MPZL1: variants seen among roughly 807,000 people sequenced by gnomAD.
MPZL1 encodes the protein myelin protein zero like 1, also known as myelin protein zero-like protein 1.
In MPZL1, 16 loss-of-function variants were observed where a neutral mutation model predicts 29.3. The observed-to-expected ratio is 0.55, with a 90% CI of 0.37 to 0.83. The LOEUF is 0.83. Among genes scored for constraint, MPZL1 ranks in the 40% least tolerant of loss-of-function variants. The pLI, the probability that MPZL1 is intolerant of heterozygous loss-of-function variation, is 0.00. For missense variants in MPZL1, 279 were observed against 332.9 expected (o/e 0.84, Z 1.26); for synonymous variants, 143 against 132.0 (o/e 1.08, Z -0.57).
intron 1 of MPZL1, among the ~76,000 whole-genome samples, chr1:167,738,595 G>C (rs1270956667): frequency 6.6e-6 from 1 of 152,126 alleles, no homozygotes; most frequent in Admixed American, 6.5e-5. Context: ...TTGGATCTTG[G>C]GGGTGGGGAT....
At chr1:167,750,237 G>C (rs4657705) in intron 1 of MPZL1, among the ~76,000 whole-genome samples, 63,464 of 151,054 alleles carry the variant, frequency 0.42, 13,872 homozygotes, top group Non-Finnish European at 0.48. Flanking sequence ...TTTTGCTCTC[G>C]TTGCCCAGGC....
At chr1:167,748,075 A>G (rs77333516) in intron 1 of MPZL1, among the ~76,000 whole-genome samples, 210 of 152,268 alleles carry the variant, frequency 1.4e-3, no homozygotes, top group African/African-American at 4.5e-3. Context: ...TTCTTTTTAT[A>G]GCCATAATAT....
intron 1 of MPZL1, among the ~76,000 whole-genome samples, chr1:167,759,624 G>A (rs745654840): frequency 1.3e-4 from 20 of 152,214 alleles, no homozygotes; most frequent in Non-Finnish European, 2.4e-4. Context: ...GATGCTGTGT[G>A]CAAGGAAACC....
chr1:167,741,222 A>G (rs1021829597), intron 1 of MPZL1, among the ~76,000 whole-genome samples: 4 of 130,832 alleles, frequency 3.1e-5, no homozygotes, highest in Non-Finnish European at 4.7e-5. Context: ...GGGTTTCGCT[A>G]TGTTGTCCAG....
chr1:167,755,770 C>T (rs1000845071), intron 1 of MPZL1, among the ~76,000 whole-genome samples: 1 of 152,132 alleles, frequency 6.6e-6, no homozygotes, highest in African/African-American at 2.4e-5. Context: ...GGGCCAGCCA[C>T]GGTGCTTCTG....
chr1:167,760,871 T>C (rs540530872), intron 1 of MPZL1, among the ~76,000 whole-genome samples: 1 of 149,958 alleles, frequency 6.7e-6, no homozygotes, highest in South Asian at 2.1e-4. Flanking sequence ...GTCAGAGAAA[T>C]GATCTGGGCT....
rs182625615 is a variant in MPZL1, at chr1:167,741,233, G to C, written c.91+18991G>C. 3.7e-4 allele frequency among the ~76,000 whole-genome samples: 53 copies of C among 143,644 alleles called. No individual in the cohort carries two copies. The East Asian group carries it at 7.9e-3, about 21-fold the overall frequency. 94.2% of individuals were successfully genotyped at this position (143,644 alleles called of 152,430 possible). A position where few individuals can be genotyped will look rare whatever the true frequency, so the allele number is the denominator to read the frequency against. On this transcript the variant is annotated intron_variant, in intron 1 of 5. Transcript: ENST00000359523. ...ATGGGGGTTTCGCTATGTTGTCCAG[G>C]CTGGTCTTGACCTCTTGGGCTCAAG...
At chr1:167,744,918 C>T (rs571147307) in intron 1 of MPZL1, among the ~76,000 whole-genome samples, 1 of 152,296 alleles carries the variant, frequency 6.6e-6, no homozygotes, top group Admixed American at 6.5e-5. Context: ...GATGGATCCA[C>T]TACTTCTCCC....
Position 167,772,399 on chromosome 1 carries a change from T to G in MPZL1, c.383T>G (p.Ile128Arg), listed in dbSNP as rs1661271890. 6.2e-7 allele frequency: 1 copy of G among 1,613,984 alleles called. No homozygotes were observed. The highest frequency in any genetic ancestry group is 1.3e-5 in the African/African-American group (1 of 74,920). The change falls in exon 3 of 6, where the codon ATA (isoleucine) becomes AGA (arginine). Residue 128 changes from isoleucine to arginine, a missense_variant. Physicochemically the swap from Ile to Arg is moderately conservative, Grantham distance 97. Coordinates refer to ENST00000359523, the MANE Select transcript of MPZL1 (RefSeq NM_003953.6). ...ATCAACATAGAAAATATGCAGTTTA[T>G]ACACAATGGCACCTATATCTGTGAT... ...ASINIENMQF[I>R]HNGTYICDVK...
chr1:167,731,012 A>G (rs145573629), intron 1 of MPZL1, among the ~76,000 whole-genome samples: 10 of 152,076 alleles, frequency 6.6e-5, no homozygotes, highest in African/African-American at 2.2e-4. Flanking sequence ...TTTTTTCTTC[A>G]GTGACTGCAA....
Position 167,744,931 on chromosome 1 carries a change from C to G in MPZL1, c.92-20652C>G, listed in dbSNP as rs562133204. 1.0e-3 allele frequency among the ~76,000 whole-genome samples: 152 copies of G among 152,274 alleles called. 2 individuals carry two copies. Among genetic ancestry groups the G allele is most frequent in the African/African-American group, 2.9e-3 (122 of 41,576 alleles). On this transcript the variant is annotated intron_variant, in intron 1 of 5. Coordinates refer to ENST00000359523, the MANE Select transcript of MPZL1 (RefSeq NM_003953.6). ...CGGATGGATCCACTACTTCTCCCCC[C>G]ACTGCAAAATTTGGTTAAGATGTGG...
chr1:167,741,330 CTTTTTT>C (rs57675541), intron 1 of MPZL1, among the ~76,000 whole-genome samples: 280 of 131,952 alleles, frequency 2.1e-3, no homozygotes, highest in Admixed American at 2.4e-3. Flanking sequence ...CCTGCAGTCA[CTTTTTT>C]TTTTTTTTTT....
At chr1:167,767,361 T>C (rs1180113629) in intron 2 of MPZL1, among the ~76,000 whole-genome samples, 1 of 152,250 alleles carries the variant, frequency 6.6e-6, no homozygotes, top group Non-Finnish European at 1.5e-5. Context: ...ACTGAAGTCT[T>C]CTGCAAGAGT....
At chr1:167,776,007 CTATT>C (rs1403132810) in intron 4 of MPZL1, 53 bp from the exon 5 acceptor site, 11 of 1,196,372 alleles carry the variant, frequency 9.2e-6, no homozygotes, top group Middle Eastern at 2.9e-4. Flanking sequence ...ATTTTTGTTT[CTATT>C]TATTTATTAT....
chr1:167,730,998 CT>C (rs1311502156), intron 1 of MPZL1, among the ~76,000 whole-genome samples: 2 of 151,736 alleles, frequency 1.3e-5, no homozygotes, highest in African/African-American at 4.8e-5. Flanking sequence ...GAATTTAATT[CT>C]TTTTTTTTCT....
chr1:167,725,743 C>T (rs925768570), intron 1 of MPZL1, among the ~76,000 whole-genome samples: 1 of 152,208 alleles, frequency 6.6e-6, no homozygotes, highest in African/African-American at 2.4e-5. Context: ...CCTTGGCCTC[C>T]CAAAGTGCTG....
At chr1:167,768,591 T>C (rs1007893712) in intron 2 of MPZL1, among the ~76,000 whole-genome samples, 1 of 152,216 alleles carries the variant, frequency 6.6e-6, no homozygotes, top group African/African-American at 2.4e-5. Context: ...TTGATAATGA[T>C]TCTAGTCTTT....
chr1:167,763,916 G>A (rs1205765013), intron 1 of MPZL1, among the ~76,000 whole-genome samples: 1 of 152,150 alleles, frequency 6.6e-6, no homozygotes, highest in Non-Finnish European at 1.5e-5. Flanking sequence ...AGCCAAAAGT[G>A]CCCATTATGT....
intron 1 of MPZL1, among the ~76,000 whole-genome samples, chr1:167,725,419 G>A (rs571681938): frequency 6.6e-6 from 1 of 151,788 alleles, no homozygotes; most frequent in Admixed American, 6.6e-5. Context: ...CAAGTAGCTG[G>A]GACTACAGGC....
Sources: gnomAD v4.1 joint callset for allele counts (sites outside exome capture counted in the v4.1 genomes callset) on GRCh38, gnomAD v4.1.1 for gene constraint, MANE v1.5 for transcripts, NCBI Gene and HGNC (gene_info 2026-07-23, HGNC 2026-07-21) for gene names.